The following KCNK9 variants were observed in gnomAD, a reference collection of about 807,000 sequenced individuals.
KCNK9 encodes the protein potassium channel subfamily K member 9.
In KCNK9, 1 loss-of-function variant was observed where a neutral mutation model predicts 10.8. The observed-to-expected ratio is 0.09, with a 90% confidence interval of 0.03 to 0.44. The LOEUF is 0.44. Ranked by LOEUF, KCNK9 falls within the 20% of genes least tolerant of loss-of-function variation. KCNK9 has a pLI of 0.97. For synonymous variants in KCNK9, 231 were observed against 222.7 expected, an observed-to-expected ratio of 1.04 and a Z score of -0.33; for missense variants, 303 against 515.0, an observed-to-expected ratio of 0.59 and a Z score of 3.98.
chr8:139,676,268 A>T (rs899747568), intron 1 of KCNK9, among the ~76,000 whole-genome samples: 1 of 152,202 alleles, frequency 6.6e-6, no homozygotes, highest in African/African-American at 2.4e-5. Context: ...TCTTCTCCCA[A>T]CAATGAAGTG....
chr8:139,682,082 A>G (rs1447340044), intron 1 of KCNK9, among the ~76,000 whole-genome samples: 2 of 152,194 alleles, frequency 1.3e-5, no homozygotes, highest in Non-Finnish European at 2.9e-5. Flanking sequence ...GTGCAGGGAG[A>G]AGCCCGGCTC....
chr8:139,618,532 G>C lies in KCNK9; in HGVS notation c.851C>G (p.Pro284Arg). The change falls in exon 2 of 2, where the codon CCC becomes CGC. Residue 284 changes from proline to arginine, a missense_variant. This residue lies in a region of KCNK9 where 138 missense variants were observed against 161.1 expected (regional missense o/e 0.86). Coordinates refer to ENST00000520439, the MANE Select transcript of KCNK9 (RefSeq NM_001282534.2). This position sits in a 1 kb window ranked among gnomAD's most constrained non-coding sequence, Gnocchi z 7.9. ...GTCCGGGACGTCCGCCTTGTACCTG[G>C]GCCGGCTGGGCCGCGGCTCCTCAGG... is the stretch of plus-strand genomic sequence containing the variant. ...HIPEEPRPSR[P>R]RYKADVPDLQ... The C allele has an allele frequency of 6.2e-7, 1 of 1,613,508 alleles. No homozygotes were observed. Among genetic ancestry groups the C allele is most frequent in the Non-Finnish European group, 8.5e-7 (1 of 1,179,926 alleles).
chr8:139,653,251 AC>A (rs1815921587), intron 1 of KCNK9, among the ~76,000 whole-genome samples: 1 of 152,238 alleles, frequency 6.6e-6, no homozygotes, highest in Non-Finnish European at 1.5e-5. Context: ...ATAAGATGCC[AC>A]AGATATATGG....
chr8:139,695,620 C>T (rs972619503), intron 1 of KCNK9, among the ~76,000 whole-genome samples: 2 of 152,196 alleles, frequency 1.3e-5, no homozygotes. Flanking sequence ...ACCTCAGACT[C>T]CAGGCTCCTT....
chr8:139,687,515 C>CATATATAT (rs1816831245), intron 1 of KCNK9, among the ~76,000 whole-genome samples: 2 of 129,678 alleles, frequency 1.5e-5, no homozygotes, highest in African/African-American at 5.9e-5. Context: ...TATATGTATA[C>CATATATAT]ACATATATTC....
intron 1 of KCNK9, among the ~76,000 whole-genome samples, chr8:139,678,022 C>T (rs984793): frequency 0.59 from 86,228 of 145,722 alleles, 27,474 homozygotes; most frequent in Non-Finnish European, 0.64. Context: ...AGTAATACCT[C>T]GCATCCCAGC....
intron 1 of KCNK9, among the ~76,000 whole-genome samples, chr8:139,689,189 A>T (rs577837097): frequency 6.6e-6 from 1 of 152,314 alleles, no homozygotes; most frequent in South Asian, 2.1e-4. Flanking sequence ...GGCATGAAGA[A>T]CTGTGAGAAA....
At chr8:139,679,960 T>C (rs1816649788) in intron 1 of KCNK9, among the ~76,000 whole-genome samples, 1 of 152,150 alleles carries the variant, frequency 6.6e-6, no homozygotes, top group South Asian at 2.1e-4. Context: ...TCAGGAGGGA[T>C]GGGGCATCCT....
downstream of KCNK9, chr8:139,616,820 G>A (rs1814605233): frequency 6.6e-6 from 1 of 152,170 alleles, no homozygotes; most frequent in South Asian, 2.1e-4. Flanking sequence ...GGAAATTAAA[G>A]TCCCCTCAGT....
At chr8:139,603,452 C>G (rs1817417422) in intron 2 of KCNK9, among the ~76,000 whole-genome samples, 1 of 152,172 alleles carries the variant, frequency 6.6e-6, no homozygotes, top group East Asian at 1.9e-4. Flanking sequence ...CCACGACTGC[C>G]CTCTTACTGA....
At chr8:139,688,768 A>T (rs961736518) in intron 1 of KCNK9, among the ~76,000 whole-genome samples, 3 of 152,142 alleles carry the variant, frequency 2.0e-5, no homozygotes, top group Non-Finnish European at 4.4e-5. Context: ...AGTAAGATAA[A>T]CTCAGATTCA....
At chr8:139,661,797 C>T (rs1042008536) in intron 1 of KCNK9, among the ~76,000 whole-genome samples, 4 of 152,224 alleles carry the variant, frequency 2.6e-5, no homozygotes, top group Non-Finnish European at 4.4e-5. Context: ...CCTCTGAGGA[C>T]GTCCATTTCT....
chr8:139,687,285 T>A (rs1816810196), intron 1 of KCNK9, among the ~76,000 whole-genome samples: 1 of 151,078 alleles, frequency 6.6e-6, no homozygotes, highest in Non-Finnish European at 1.5e-5. Context: ...AGGCTTCTAC[T>A]TCTATGCTAC....
chr8:139,681,968 C>T (rs537502228), intron 1 of KCNK9, among the ~76,000 whole-genome samples: 50 of 152,312 alleles, frequency 3.3e-4, no homozygotes, highest in Non-Finnish European at 4.9e-4. Flanking sequence ...TGGAAGCTTC[C>T]GGTGGCACCA....
intron 1 of KCNK9, among the ~76,000 whole-genome samples, chr8:139,637,840 C>A (rs1331635750): frequency 1.3e-5 from 2 of 150,096 alleles, no homozygotes; most frequent in East Asian, 3.9e-4. Context: ...ATGTCTAAGG[C>A]CTGAACCCAG....
intron 1 of KCNK9, among the ~76,000 whole-genome samples, chr8:139,667,721 T>G (rs1339432207): frequency 6.6e-6 from 1 of 151,794 alleles, no homozygotes; most frequent in Admixed American, 6.6e-5. Context: ...CCTCACAACA[T>G]TCCTTATAAC....
intron 1 of KCNK9, among the ~76,000 whole-genome samples, chr8:139,663,682 T>TGTGTG (rs1554624294): frequency 1.4e-5 from 2 of 145,746 alleles, no homozygotes; most frequent in South Asian, 2.2e-4. Context: ...TGTGTGTGTG[T>TGTGTG]TAGAGAGAGA....
At chr8:139,643,128 G>C (rs1815560193) in intron 1 of KCNK9, among the ~76,000 whole-genome samples, 1 of 152,158 alleles carries the variant, frequency 6.6e-6, no homozygotes, top group African/African-American at 2.4e-5. Context: ...GCTTCCTCAT[G>C]GGCCAAGTGG....
chr8:139,667,979 G>T (rs1816340459), intron 1 of KCNK9, among the ~76,000 whole-genome samples: 1 of 151,984 alleles, frequency 6.6e-6, no homozygotes, highest in Non-Finnish European at 1.5e-5. Flanking sequence ...ACCATTCCTT[G>T]CTTTACTACA....
Sources: gnomAD v4.1 joint callset for allele counts (sites outside exome capture counted in the v4.1 genomes callset) on GRCh38, gnomAD v4.1.1 for gene constraint, gnomAD v4.1.1 regional missense constraint, Gnocchi (gnomAD v3.1) non-coding constraint, MANE v1.5 for transcripts, NCBI Gene and HGNC (gene_info 2026-07-23, HGNC 2026-07-21) for gene names.